Variants in RALGAPA2 observed in about 807,000 individuals in gnomAD.
The protein encoded by RALGAPA2 is Ral GTPase activating protein catalytic subunit alpha 2.
Under a neutral mutation model 230.4 loss-of-function variants are expected in RALGAPA2, and 139 were observed. The ratio of observed to expected loss-of-function variants is 0.60; its 90% CI spans 0.53 to 0.69. RALGAPA2 has a LOEUF of 0.69. Among genes scored for constraint, RALGAPA2 ranks in the 30% least tolerant of loss-of-function variants. The pLI is 0.00. For synonymous variants in RALGAPA2, 847 were observed against 837.8 expected (o/e 1.01, Z -0.19); for missense variants, 2,163 against 2,276.0 (o/e 0.95, Z 1.01).
At chr20:20,466,154 T>C (rs1186673422) in intron 37 of RALGAPA2, among the ~76,000 whole-genome samples, 1 of 152,252 alleles carries the variant, frequency 6.6e-6, no homozygotes, top group Non-Finnish European at 1.5e-5. Context: ...ACAGCACATA[T>C]TCTGTGGAGA....
At chr20:20,625,910 A>G (rs2066476883) in intron 10 of RALGAPA2, among the ~76,000 whole-genome samples, 1 of 152,100 alleles carries the variant, frequency 6.6e-6, no homozygotes, top group Non-Finnish European at 1.5e-5. Context: ...GTTACTGTCT[A>G]TTTCCACCAC....
chr20:20,436,284 T>A (rs188089087), intron 37 of RALGAPA2, among the ~76,000 whole-genome samples: 8 of 152,316 alleles, frequency 5.3e-5, no homozygotes, highest in Non-Finnish European at 8.8e-5. Context: ...AAATCCTTAG[T>A]ACTTCCATGT....
chr20:20,561,792 A>C (rs2064264150), intron 23 of RALGAPA2, among the ~76,000 whole-genome samples: 1 of 152,244 alleles, frequency 6.6e-6, no homozygotes, highest in Admixed American at 6.5e-5. Flanking sequence ...TGTCATCTGC[A>C]GAAGTACTCC....
At chr20:20,635,757 A>G in intron 8 of RALGAPA2, 140 bp from the exon 9 acceptor site, 1 of 690,696 alleles carries the variant, frequency 1.4e-6, no homozygotes, top group Non-Finnish European at 2.3e-6. Context: ...GCAATTATTT[A>G]AAATGGCATT....
chr20:20,587,736 T>C (rs1296903536), intron 18 of RALGAPA2, among the ~76,000 whole-genome samples: 1 of 151,960 alleles, frequency 6.6e-6, no homozygotes, highest in East Asian at 1.9e-4. Flanking sequence ...AGATATTTGC[T>C]ACAAACATAA....
At chr20:20,396,987 T>G (rs1361789096) in intron 38 of RALGAPA2, among the ~76,000 whole-genome samples, 1 of 152,176 alleles carries the variant, frequency 6.6e-6, no homozygotes, top group Non-Finnish European at 1.5e-5. Context: ...CATGCAGACC[T>G]TGTCAGGATC....
chr20:20,617,223 A>G (rs914808319), intron 12 of RALGAPA2, among the ~76,000 whole-genome samples: 5 of 152,210 alleles, frequency 3.3e-5, no homozygotes, highest in Admixed American at 1.3e-4. Context: ...AAAGTATTGT[A>G]TCAAAATAAA....
intron 10 of RALGAPA2, among the ~76,000 whole-genome samples, chr20:20,624,345 A>AAG (rs1555803093): frequency 6.6e-6 from 1 of 151,588 alleles, no homozygotes; most frequent in Non-Finnish European, 1.5e-5. Context: ...AAAAAAAAAA[A>AAG]AAAAGAAAGG....
At chr20:20,469,084 C>T (rs2061485315) in intron 37 of RALGAPA2, among the ~76,000 whole-genome samples, 1 of 152,092 alleles carries the variant, frequency 6.6e-6, no homozygotes, top group Non-Finnish European at 1.5e-5. Context: ...AAACATTGGC[C>T]CCTCATTTGG....
At chr20:20,639,636 A>G (rs2066966174) in intron 7 of RALGAPA2, 149 bp downstream of exon 7, 1 of 605,670 alleles carries the variant, frequency 1.7e-6, no homozygotes, top group Non-Finnish European at 2.9e-6. Context: ...AAAATGGTAC[A>G]CACTCTGCAT....
intron 5 of RALGAPA2, among the ~76,000 whole-genome samples, chr20:20,641,451 G>A (rs1201480559): frequency 1.3e-5 from 2 of 152,134 alleles, no homozygotes; most frequent in Admixed American, 6.5e-5. Context: ...ACCTCAATGA[G>A]ACAGAGCAGC....
intron 33 of RALGAPA2, among the ~76,000 whole-genome samples, chr20:20,506,698 T>A (rs890496045): frequency 2.0e-5 from 3 of 152,220 alleles, no homozygotes; most frequent in African/African-American, 7.2e-5. Flanking sequence ...TTTTTTAATA[T>A]TTGTTTAGTA....
chr20:20,426,227 T>C (rs1407195018), intron 37 of RALGAPA2, among the ~76,000 whole-genome samples: 3 of 152,194 alleles, frequency 2.0e-5, no homozygotes, highest in African/African-American at 7.2e-5. Flanking sequence ...AAAATAAAGA[T>C]GATCAGGAAG....
intron 10 of RALGAPA2, among the ~76,000 whole-genome samples, chr20:20,622,738 G>A (rs1380131171): frequency 6.6e-6 from 1 of 152,016 alleles, no homozygotes; most frequent in African/African-American, 2.4e-5. Context: ...AGAGATTTGG[G>A]AAGCAATAAA....
At position 20,390,144 on chromosome 20, in the gene RALGAPA2, G is replaced by A. The variant is rs1375625747; in HGVS notation, c.*3145C>T. On this transcript the variant is annotated 3_prime_UTR_variant, in exon 40 of 40. Coordinates refer to ENST00000202677, the MANE Select transcript of RALGAPA2 (RefSeq NM_020343.4). ...ACCTCCACATGACACCGATACAGCAGGTCCATGGGGCGCAGGTGGTGCCAC... is the reference window on the plus strand; with the variant it reads ...ACCTCCACATGACACCGATACAGCAAGTCCATGGGGCGCAGGTGGTGCCAC... 1 of 152,182 alleles carries A rather than the reference G, an allele frequency of 6.6e-6. No homozygotes were observed. Among genetic ancestry groups the A allele is most frequent in the African/African-American group, 2.4e-5 (1 of 41,438 alleles). The allele number at this position is 152,182 out of a possible 1,614,324, so 9.4% of individuals were successfully genotyped here. A position where few individuals can be genotyped will look rare whatever the true frequency, so the allele number is the denominator to read the frequency against.
chr20:20,678,366 C>T (rs1411793812), intron 2 of RALGAPA2, among the ~76,000 whole-genome samples: 1 of 152,098 alleles, frequency 6.6e-6, no homozygotes, highest in East Asian at 1.9e-4. Flanking sequence ...GCAAGAATGG[C>T]CACAATCAAA....
At chr20:20,516,220 C>A (rs1341154283) in intron 31 of RALGAPA2, among the ~76,000 whole-genome samples, 1 of 152,342 alleles carries the variant, frequency 6.6e-6, no homozygotes, top group Non-Finnish European at 1.5e-5. Context: ...TCAACCCTAT[C>A]CCCACCTGTT....
chr20:20,536,830 T>C (rs1002126536), intron 24 of RALGAPA2, 46 bp from the exon 25 acceptor site: 6 of 1,573,466 alleles, frequency 3.8e-6, no homozygotes, highest in Non-Finnish European at 2.6e-6. Flanking sequence ...TTTTGTAAGT[T>C]AGAAACGTTA....
At chr20:20,519,126 A>G (rs2062960933) in intron 31 of RALGAPA2, among the ~76,000 whole-genome samples, 1 of 152,250 alleles carries the variant, frequency 6.6e-6, no homozygotes, top group African/African-American at 2.4e-5. Flanking sequence ...CAAAACTTTC[A>G]GAGTAAATAA....
Sources: gnomAD v4.1 joint callset for allele counts (sites outside exome capture counted in the v4.1 genomes callset) on GRCh38, gnomAD v4.1.1 for gene constraint, MANE v1.5 for transcripts, NCBI Gene and HGNC (gene_info 2026-07-23, HGNC 2026-07-21) for gene names.